The following MAPT variants were observed in gnomAD, a reference collection of about 807,000 sequenced individuals.
MAPT encodes the protein microtubule-associated protein tau.
In MAPT, 34 loss-of-function variants were observed where a neutral mutation model predicts 67.9. That is an observed-to-expected ratio of 0.50 (90% confidence interval 0.38 to 0.67). The LOEUF (loss-of-function observed/expected upper bound fraction) is 0.67, where lower values mean the gene tolerates loss of function less well. Ranked by LOEUF, MAPT falls within the 30% of genes least tolerant of loss-of-function variation. The probability of loss-of-function intolerance (pLI) is 0.00; values close to 1 mark genes in which losing one functional copy is unlikely to be tolerated. For missense variants in MAPT, 881 were observed against 1,115.2 expected (o/e 0.79, Z 2.99); for synonymous variants, 456 against 464.5 (o/e 0.98, Z 0.23).
rs142937604 is a variant in MAPT at position 45,910,452 on chromosome 17, C to T, written c.-18+15766C>T. 4.0e-3 allele frequency among the ~76,000 whole-genome samples: 614 copies of T among 152,116 alleles called. 3 individuals are homozygous for T. The highest frequency in any genetic ancestry group is 0.014 in the African/African-American group (575 of 41,500). The stretch of plus-strand genomic sequence containing the variant: ...GCTTCTTATGCCTGGGCTTCTGCTC[C>T]CTGGGGCATGGTCTTCCCCCTAGCT... On this transcript the variant is annotated intron_variant, in intron 1 of 12. Coordinates refer to ENST00000262410, the MANE Select transcript of MAPT (RefSeq NM_001377265.1).
chr17:45,930,828 T>C (rs1477048605), intron 1 of MAPT, among the ~76,000 whole-genome samples: 2 of 152,202 alleles, frequency 1.3e-5, no homozygotes, highest in African/African-American at 4.8e-5. Context: ...CAGTCCCCAC[T>C]TGTAGACCAG....
chr17:45,985,650 A>G, intron 5 of MAPT: 1 of 985,272 alleles, frequency 1.0e-6, no homozygotes, highest in Non-Finnish European at 1.2e-6. Flanking sequence ...CTACCTGCTA[A>G]CATTTCCTGG....
chr17:45,924,196 C>T (rs1349824707), intron 1 of MAPT, among the ~76,000 whole-genome samples: 1 of 152,130 alleles, frequency 6.6e-6, no homozygotes, highest in East Asian at 1.9e-4. Context: ...CCCCAGACTC[C>T]CAACCCCCTG....
intron 7 of MAPT, 127 bp downstream of exon 7, chr17:45,990,202 A>G: frequency 1.2e-6 from 1 of 858,506 alleles, no homozygotes; most frequent in Non-Finnish European, 1.9e-6. Flanking sequence ...AGCACCGTGT[A>G]AAATAGTTAG....
chr17:45,982,824 C>A, intron 4 of MAPT, 42 bp from the exon 5 acceptor site: 1 of 1,128,136 alleles, frequency 8.9e-7, no homozygotes, highest in African/African-American at 1.6e-5. Context: ...GCGATTAATG[C>A]GCCCTTGCTA....
chr17:46,005,741 C>T (rs1022652518), intron 9 of MAPT, among the ~76,000 whole-genome samples: 6 of 152,214 alleles, frequency 3.9e-5, no homozygotes, highest in Admixed American at 1.3e-4. Flanking sequence ...CACCTCCTTC[C>T]GCAGCTCCAG....
intron 2 of MAPT, among the ~76,000 whole-genome samples, chr17:45,967,531 T>C (rs2071211322): frequency 6.6e-6 from 1 of 152,228 alleles, no homozygotes. Flanking sequence ...GCTATGTTCA[T>C]GCTGGAAGCT....
intron 5 of MAPT, among the ~76,000 whole-genome samples, chr17:45,985,335 G>GA (rs1409971378): frequency 6.6e-6 from 1 of 151,926 alleles, no homozygotes; most frequent in South Asian, 2.1e-4. Context: ...AGTTAAGAGA[G>GA]AAAAAAATAT....
In MAPT at chr17:45,983,638, G is replaced by T; in HGVS notation, c.1059G>T (p.Glu353Asp). The part of the protein sequence containing the change: ...PVDFLSKVST[E>D]IPASEPDGPS... ...ATTTCCTCTCCAAAGTTTCCACAGAGATCCCAGCCTCAGAGCCCGACGGGC... is the reference window on the plus strand; with the variant it reads ...ATTTCCTCTCCAAAGTTTCCACAGATATCCCAGCCTCAGAGCCCGACGGGC... The change falls in exon 5 of 13, where the codon GAG becomes GAT. Residue 353 changes from glutamate to aspartate, a missense_variant. Physicochemically the swap from Glu to Asp is conservative, Grantham distance 45. This residue lies in a region of MAPT where 687 missense variants were observed against 766.1 expected (regional missense o/e 0.90). Coordinates refer to ENST00000262410, the MANE Select transcript of MAPT (RefSeq NM_001377265.1). The T allele has an allele frequency of 1.2e-6, 2 of 1,613,882 alleles. No individual in the cohort carries two copies. Among genetic ancestry groups the T allele is most frequent in the Non-Finnish European group, 1.7e-6 (2 of 1,180,022 alleles).
chr17:46,016,657 AC>A (rs2076201802), intron 11 of MAPT, among the ~76,000 whole-genome samples: 1 of 151,652 alleles, frequency 6.6e-6, no homozygotes, highest in South Asian at 2.1e-4. Flanking sequence ...TGTAGTCCCA[AC>A]TACTTGGGAG....
intron 1 of MAPT, among the ~76,000 whole-genome samples, chr17:45,931,551 C>T (rs969901137): frequency 1.3e-5 from 2 of 152,106 alleles, no homozygotes; most frequent in African/African-American, 2.4e-5. Flanking sequence ...AAAAGTGAGA[C>T]GTCTGCAGAA....
At position 45,996,063 on chromosome 17, in the gene MAPT, C is replaced by T. The variant is rs1485976503; in HGVS notation, c.1733-336C>T. On this transcript the variant is annotated intron_variant, in intron 8 of 12. Coordinates refer to ENST00000262410, the MANE Select transcript of MAPT (RefSeq NM_001377265.1). The surrounding 1 kb of genome is among the most constrained non-coding windows in gnomAD (Gnocchi z 4.5). ...CTCTGAGCTCAGAGAGGGGAAGTTA[C>T]TTGTCTGAGGCCACACAGCTTGTTG... Among the ~76,000 whole-genome samples, 2 of 152,202 alleles carry T rather than the reference C, an allele frequency of 1.3e-5. No homozygotes were observed. Among genetic ancestry groups the T allele is most frequent in the African/African-American group, 4.8e-5 (2 of 41,450 alleles).
intron 12 of MAPT, among the ~76,000 whole-genome samples, chr17:46,020,232 C>T (rs2076441723): frequency 6.6e-6 from 1 of 152,090 alleles, no homozygotes; most frequent in Non-Finnish European, 1.5e-5. Flanking sequence ...TGGAAGTATC[C>T]ACATGAGGCT....
chr17:45,986,329 G>T (rs1190969012), intron 5 of MAPT, among the ~76,000 whole-genome samples: 2 of 152,216 alleles, frequency 1.3e-5, no homozygotes, highest in Non-Finnish European at 2.9e-5. Flanking sequence ...GCAACTAGGG[G>T]ACAAAGACAA....
At position 45,990,026 on chromosome 17, in the gene MAPT, C is replaced by T; in HGVS notation, c.1556C>T (p.Ser519Phe). ...CCTTCCTCTCCTAAATACGTCTCTT[C>T]TGTCACTTCCCGAACTGGCAGTTCT... ...EPPSSPKYVS[S>F]VTSRTGSSGA... Residue 519 changes from serine (S) to phenylalanine (F), a missense_variant, in exon 7 of 13, where the codon TCT becomes TTT. By Grantham distance (155) the Ser-to-Phe change is radical. Around this residue, in one of 6 missense-constraint regions of MAPT, gnomAD observed 687 missense variants for 766.1 expected, o/e 0.90. Transcript: ENST00000262410. 6.2e-7 allele frequency: 1 copy of T among 1,614,198 alleles called. No individual in the cohort carries two copies. Among genetic ancestry groups the T allele is most frequent in the Non-Finnish European group, 8.5e-7 (1 of 1,180,048 alleles).
At chr17:45,911,578 T>G (rs1478071677) in intron 1 of MAPT, among the ~76,000 whole-genome samples, 2 of 151,550 alleles carry the variant, frequency 1.3e-5, no homozygotes, top group Non-Finnish European at 2.9e-5. Context: ...CTGGGCAACA[T>G]AGGGAGACCC....
intron 12 of MAPT, among the ~76,000 whole-genome samples, chr17:46,020,845 G>A (rs1465364413): frequency 3.3e-5 from 5 of 152,114 alleles, no homozygotes; most frequent in Non-Finnish European, 7.4e-5. Context: ...TGACATTTGG[G>A]TGGGGACACA....
In MAPT at chr17:45,896,790, G is replaced by GA. The variant is rs1347517434; in HGVS notation, c.-18+2104_-18+2105insA. 6.6e-6 allele frequency: 1 copy of GA among 152,462 alleles called. No individual in the cohort carries two copies. Among genetic ancestry groups the GA allele is most frequent in the Admixed American group, 6.5e-5 (1 of 15,288 alleles). 9.4% of individuals were successfully genotyped at this position (152,462 alleles called of 1,614,324 possible). On this transcript the variant is annotated intron_variant, in intron 1 of 12. Coordinates refer to ENST00000262410, the MANE Select transcript of MAPT (RefSeq NM_001377265.1). The surrounding 1 kb of genome is among the most constrained non-coding windows in gnomAD (Gnocchi z 5.6). ...TTAAATAAATTTCACCCGTGTCCAA[G>GA]TTCACCGCGCCCCCAAAACCGAGTC...
At chr17:45,900,853 A>G (rs540990079) in intron 1 of MAPT, among the ~76,000 whole-genome samples, 1 of 152,088 alleles carries the variant, frequency 6.6e-6, no homozygotes, top group Admixed American at 6.5e-5. Flanking sequence ...TACCTGTCTC[A>G]CGGGTTGCCA....
Sources: gnomAD v4.1 joint callset for allele counts (sites outside exome capture counted in the v4.1 genomes callset) on GRCh38, gnomAD v4.1.1 for gene constraint, gnomAD v4.1.1 regional missense constraint, Gnocchi (gnomAD v3.1) non-coding constraint, MANE v1.5 for transcripts, NCBI Gene and HGNC (gene_info 2026-07-23, HGNC 2026-07-21) for gene names.